Variants in CMSS1 observed in about 807,000 individuals in gnomAD.
CMSS1 encodes the protein protein CMSS1.
A neutral mutation model predicts 43.5 loss-of-function variants in CMSS1; 33 were observed. The ratio of observed to expected loss-of-function variants is 0.76; its 90% CI spans 0.57 to 1.01. CMSS1 has a LOEUF of 1.01. Ranked by LOEUF, CMSS1 falls within the 50% of genes least tolerant of loss-of-function variation. The pLI is 0.00. For missense variants in CMSS1, 313 were observed against 326.4 expected (o/e 0.96, Z 0.32); for synonymous variants, 115 against 117.2 (o/e 0.98, Z 0.12).
chr3:99,950,701 T>C (rs1298324986), intron 1 of CMSS1, among the ~76,000 whole-genome samples: 1 of 152,222 alleles, frequency 6.6e-6, no homozygotes, highest in Non-Finnish European at 1.5e-5. Context: ...CGATTCTCTT[T>C]ACACGTTTCA....
intron 1 of CMSS1, among the ~76,000 whole-genome samples, chr3:99,998,221 T>A (rs1437783526): frequency 6.6e-6 from 1 of 152,226 alleles, no homozygotes; most frequent in Non-Finnish European, 1.5e-5. Context: ...TAATACTTAG[T>A]TCTATAAATT....
intron 1 of CMSS1, among the ~76,000 whole-genome samples, chr3:100,096,002 C>G (rs901862356): frequency 2.0e-5 from 3 of 152,088 alleles, no homozygotes; most frequent in Admixed American, 6.5e-5. Context: ...ATACAGATGA[C>G]AAACAGGCAT....
chr3:99,857,586 T>C (rs1944027364), intron 1 of CMSS1, among the ~76,000 whole-genome samples: 2 of 152,262 alleles, frequency 1.3e-5, no homozygotes, highest in African/African-American at 4.8e-5. Context: ...ATATCTATAA[T>C]CTGACCACCC....
At chr3:99,890,807 T>A (rs1179857808) in intron 1 of CMSS1, among the ~76,000 whole-genome samples, 1 of 152,092 alleles carries the variant, frequency 6.6e-6, no homozygotes, top group Non-Finnish European at 1.5e-5. Flanking sequence ...GCAGCTCTGA[T>A]TCTGCCATTT....
At chr3:99,837,860 T>G (rs1024391341) in intron 1 of CMSS1, among the ~76,000 whole-genome samples, 1 of 152,234 alleles carries the variant, frequency 6.6e-6, no homozygotes, top group African/African-American at 2.4e-5. Flanking sequence ...TTGGTGGTGC[T>G]TGTCTTTATA....
intron 1 of CMSS1, among the ~76,000 whole-genome samples, chr3:99,890,215 C>T (rs1706040009): frequency 6.6e-6 from 1 of 152,124 alleles, no homozygotes; most frequent in Non-Finnish European, 1.5e-5. Context: ...TCTGGTTTCC[C>T]ATTTTACTGT....
chr3:99,901,617 ATATCAGCGATGTG>A (rs1706440338), intron 1 of CMSS1, among the ~76,000 whole-genome samples: 1 of 152,218 alleles, frequency 6.6e-6, no homozygotes, highest in Non-Finnish European at 1.5e-5. Flanking sequence ...CACTGCTTAA[ATATCAGCGATGTG>A]TATTCTAAAG....
At chr3:100,058,971 G>C (rs1016819919) in intron 1 of CMSS1, among the ~76,000 whole-genome samples, 7 of 152,216 alleles carry the variant, frequency 4.6e-5, no homozygotes, top group Non-Finnish European at 1.0e-4. Context: ...TGCAAGTTCA[G>C]GAAAAGGTCC....
At chr3:100,027,554 C>T (rs944619233) in intron 1 of CMSS1, among the ~76,000 whole-genome samples, 2 of 152,086 alleles carry the variant, frequency 1.3e-5, no homozygotes, top group African/African-American at 4.8e-5. Context: ...TGAGTTCTTC[C>T]CTTCCATTCC....
intron 1 of CMSS1, chr3:99,850,136 T>C (rs1212648846): frequency 6.2e-7 from 1 of 1,611,726 alleles, no homozygotes; most frequent in Admixed American, 1.7e-5. Flanking sequence ...TTATCTTCAG[T>C]TTTCTTTAAT....
intron 1 of CMSS1, among the ~76,000 whole-genome samples, chr3:100,135,008 A>T (rs1427995341): frequency 6.6e-6 from 1 of 152,204 alleles, no homozygotes; most frequent in Non-Finnish European, 1.5e-5. Context: ...TGTAAAACAG[A>T]TTATAACAAC....
intron 1 of CMSS1, among the ~76,000 whole-genome samples, chr3:100,019,502 T>G (rs1203173869): frequency 6.6e-6 from 1 of 152,218 alleles, no homozygotes; most frequent in Non-Finnish European, 1.5e-5. Context: ...TTTTAGTGAT[T>G]TAATTTCTAA....
At chr3:100,119,367 A>G (rs1376928883) in intron 1 of CMSS1, among the ~76,000 whole-genome samples, 1 of 152,130 alleles carries the variant, frequency 6.6e-6, no homozygotes, top group Non-Finnish European at 1.5e-5. Flanking sequence ...CATCCTTCCC[A>G]CTGTCCCCTC....
intron 1 of CMSS1, among the ~76,000 whole-genome samples, chr3:100,022,044 A>G (rs1411559232): frequency 1.3e-5 from 2 of 151,842 alleles, no homozygotes; most frequent in Non-Finnish European, 2.9e-5. Context: ...TCCTTTTTCC[A>G]TAAAGCATTT....
At chr3:100,029,045 C>T (rs999043899) in intron 1 of CMSS1, among the ~76,000 whole-genome samples, 5 of 151,910 alleles carry the variant, frequency 3.3e-5, no homozygotes, top group Non-Finnish European at 5.9e-5. Context: ...TTTTTTTGAG[C>T]CTGGAATGGT....
intron 1 of CMSS1, among the ~76,000 whole-genome samples, chr3:100,124,290 A>G (rs1320807306): frequency 6.6e-6 from 1 of 152,178 alleles, no homozygotes; most frequent in African/African-American, 2.4e-5. Flanking sequence ...CAACCCCAAC[A>G]ATAACTTGAA....
rs193184223 is a variant in CMSS1 at position 99,932,200 on chromosome 3, G to A, written c.64+114157G>A. On this transcript the variant is annotated intron_variant, in intron 1 of 9. Coordinates refer to ENST00000421999, the MANE Select transcript of CMSS1 (RefSeq NM_032359.4). ...CTTCTCCTCCCTTCCCACTCCAGAA[G>A]TAACCACGTAATCTTGAATTTGGTA... 1.5e-3 allele frequency among the ~76,000 whole-genome samples: 224 copies of A among 152,168 alleles called. 1 individual carries two copies. The highest frequency in any genetic ancestry group is 2.4e-3 in the Non-Finnish European group (162 of 68,004).
At position 99,849,781 on chromosome 3, in the gene CMSS1, A is replaced by T. The variant is rs771698937; in HGVS notation, c.64+31738A>T. The T allele has an allele frequency of 2.0e-5, 32 of 1,611,998 alleles. No individual in the cohort carries two copies. The East Asian group carries it at 6.0e-4, about 30-fold the overall frequency. ...CTTTAGCTTCAGTTTCAGTCTTTCCACTTCTTGAGAGAGCTCCTTAATCTT... is the reference window on the plus strand; with the variant it reads ...CTTTAGCTTCAGTTTCAGTCTTTCCTCTTCTTGAGAGAGCTCCTTAATCTT... On this transcript the variant is annotated intron_variant, in intron 1 of 9. Coordinates refer to ENST00000421999, the MANE Select transcript of CMSS1 (RefSeq NM_032359.4).
intron 1 of CMSS1, among the ~76,000 whole-genome samples, chr3:100,056,721 C>T (rs1017542627): frequency 9.9e-5 from 15 of 151,778 alleles, no homozygotes; most frequent in African/African-American, 2.2e-4. Context: ...AAAATGGGGC[C>T]GGGCGCGGTG....
Sources: allele counts gnomAD v4.1 joint callset (sites outside exome capture counted in the v4.1 genomes callset), GRCh38; gene constraint gnomAD v4.1.1; transcripts MANE v1.5; gene names NCBI Gene and HGNC (gene_info 2026-07-23, HGNC 2026-07-21).